Variants in KLF8 observed in about 807,000 individuals in gnomAD.
The protein encoded by KLF8 is KLF transcription factor 8, also known as Krueppel-like factor 8.
A neutral mutation model predicts 18.2 loss-of-function variants in KLF8; 10 were observed. That is an observed-to-expected ratio of 0.55 (90% CI 0.34 to 0.93). The LOEUF is 0.93. KLF8 is among the 40% of genes least tolerant of loss of function. The probability of loss-of-function intolerance (pLI) is 0.02; values close to 1 mark genes in which losing one functional copy is unlikely to be tolerated. For missense variants in KLF8, 264 were observed against 277.9 expected, an observed-to-expected ratio of 0.95 and a Z score of 0.36; for synonymous variants, 109 against 97.3, an observed-to-expected ratio of 1.12 and a Z score of -0.71.
intron 1 of KLF8, among the ~76,000 whole-genome samples, chrX:56,246,812 G>T (rs1314712401): frequency 1.8e-5 from 2 of 111,083 alleles, no homozygotes; most frequent in Non-Finnish European, 3.8e-5. Context: ...TGATAGACTG[G>T]GTTTATGGTG....
At chrX:56,227,948 C>T (rs146901343), upstream of KLF8, among the ~76,000 whole-genome samples, 13 of 108,884 alleles carry the variant, frequency 1.2e-4, no homozygotes, top group East Asian at 3.8e-3. Flanking sequence ...ATAAAGATAG[C>T]AGCCTGAGGC....
chrX:56,242,322 A>G (rs1293798479), intron 1 of KLF8, among the ~76,000 whole-genome samples: 3 of 112,568 alleles, frequency 2.7e-5, no homozygotes, highest in East Asian at 2.8e-4. Context: ...AGATAAAGAT[A>G]TCAAAAATCA....
chrX:56,058,279 C>CGTAT, the KLF8 span, among the ~76,000 whole-genome samples: 1 of 7,311 alleles, frequency 1.4e-4, no homozygotes. Flanking sequence ...CATATATATA[C>CGTAT]ATATATATAT....
chrX:56,185,980 A>T, the KLF8 span, among the ~76,000 whole-genome samples: 1 of 112,265 alleles, frequency 8.9e-6, no homozygotes, highest in East Asian at 2.8e-4. Context: ...CGAGCAAAAA[A>T]ACCAGCTAAC....
Position 56,233,219 on chromosome X carries a change from T to C in KLF8, c.-116T>C, listed in dbSNP as rs1402799499. Reference sequence around the variant, plus strand: ...AAGACGAGAACGCGTCGCCCTGCGCTATGTCAGAATGGGGCGGGTGTGAGG... The same window carrying C: ...AAGACGAGAACGCGTCGCCCTGCGCCATGTCAGAATGGGGCGGGTGTGAGG... On this transcript the variant is annotated 5_prime_UTR_variant, in exon 1 of 6. Transcript: ENST00000468660. The C allele has an allele frequency of 1.3e-5, 11 of 874,331 alleles. No homozygotes were observed. The highest frequency in any genetic ancestry group is 4.0e-5 in the African/African-American group (2 of 50,381). The allele number at this position is 874,331 out of a possible 1,213,427, so 72.1% of individuals were successfully genotyped here.
the KLF8 span, among the ~76,000 whole-genome samples, chrX:56,220,927 T>C: frequency 8.8e-6 from 1 of 113,003 alleles, no homozygotes; most frequent in African/African-American, 3.2e-5. Context: ...ATGTGTATTA[T>C]ACAATTCTCA....
the KLF8 span, among the ~76,000 whole-genome samples, chrX:56,157,859 T>C: frequency 9.0e-6 from 1 of 111,622 alleles, no homozygotes; most frequent in Non-Finnish European, 1.9e-5. Context: ...ACTCTGATGG[T>C]AGTTTCTTTT....
the KLF8 span, among the ~76,000 whole-genome samples, chrX:56,081,319 T>A: frequency 8.9e-6 from 1 of 111,878 alleles, no homozygotes; most frequent in Middle Eastern, 4.6e-3. Context: ...TACAGATGGG[T>A]TTTTGGTGTG....
At chrX:55,945,988 A>G in the KLF8 span, among the ~76,000 whole-genome samples, 1 of 111,620 alleles carries the variant, frequency 9.0e-6, no homozygotes, top group Non-Finnish European at 1.9e-5. Flanking sequence ...ATAAAAGAGG[A>G]TACAAACAAA....
chrX:56,005,872 T>C, the KLF8 span, among the ~76,000 whole-genome samples: 3 of 112,000 alleles, frequency 2.7e-5, no homozygotes, highest in South Asian at 1.1e-3. Flanking sequence ...GGTGGAGCTC[T>C]GCAGTGGTCA....
the KLF8 span, among the ~76,000 whole-genome samples, chrX:56,134,859 A>C: frequency 8.9e-6 from 1 of 111,759 alleles, no homozygotes; most frequent in African/African-American, 3.2e-5. Context: ...TAAGGACATG[A>C]ATAGACAATC....
At chrX:56,233,419 TC>T in intron 1 of KLF8, 78 bp downstream of exon 1, 2 of 777,740 alleles carry the variant, frequency 2.6e-6, no homozygotes, top group Non-Finnish European at 4.0e-6. Context: ...GTCCCCCTGC[TC>T]CCCCCACACA....
chrX:56,000,518 C>T, the KLF8 span, among the ~76,000 whole-genome samples: 1 of 102,955 alleles, frequency 9.7e-6, no homozygotes, highest in Admixed American at 1.1e-4. Context: ...GATTCAATCT[C>T]ATTACTTATT....
At chrX:56,200,973 T>C in the KLF8 span, among the ~76,000 whole-genome samples, 1 of 111,650 alleles carries the variant, frequency 9.0e-6, no homozygotes, top group Non-Finnish European at 1.9e-5. Context: ...AGATGACACA[T>C]ATTGGTTAGG....
chrX:56,243,264 G>T (rs996071552), intron 1 of KLF8: 2 of 428,826 alleles, frequency 4.7e-6, no homozygotes, highest in African/African-American at 4.9e-5. Context: ...GACTTGGGCC[G>T]CTGGAAGGTG....
At chrX:56,280,410 T>C (rs2067185078) in intron 5 of KLF8, among the ~76,000 whole-genome samples, 1 of 111,642 alleles carries the variant, frequency 9.0e-6, no homozygotes, top group Admixed American at 9.5e-5. Context: ...ATTTTGTTTA[T>C]TTTTTTGTAG....
chrX:56,078,244 T>G, the KLF8 span, among the ~76,000 whole-genome samples: 5 of 111,776 alleles, frequency 4.5e-5, no homozygotes, highest in African/African-American at 6.5e-5. Flanking sequence ...ATGCTTCCAG[T>G]TTTTGCCCAT....
the KLF8 span, among the ~76,000 whole-genome samples, chrX:56,150,327 C>A: frequency 9.0e-6 from 1 of 111,342 alleles, no homozygotes. Context: ...TTCTCCCTGC[C>A]CTAACCTTAG....
At chrX:55,999,753 G>C in the KLF8 span, among the ~76,000 whole-genome samples, 3 of 110,902 alleles carry the variant, frequency 2.7e-5, no homozygotes, top group Admixed American at 2.9e-4. Flanking sequence ...TTCTGGAGGA[G>C]TCTTTTGGGT....
Sources: allele counts gnomAD v4.1 joint callset (sites outside exome capture counted in the v4.1 genomes callset), GRCh38; gene constraint gnomAD v4.1.1; transcripts MANE v1.5; gene names NCBI Gene and HGNC (gene_info 2026-07-23, HGNC 2026-07-21).